The following TAF3 variants were observed in gnomAD, a reference collection of about 807,000 sequenced individuals.
TAF3 encodes the protein transcription initiation factor TFIID subunit 3.
Under a neutral mutation model 80.6 loss-of-function variants are expected in TAF3, and 7 were observed. The observed-to-expected ratio is 0.09, with a 90% CI of 0.05 to 0.16. The LOEUF (loss-of-function observed/expected upper bound fraction) is 0.16. TAF3 is among the 10% of genes least tolerant of loss of function. The pLI is 1.00. For missense variants in TAF3, 921 were observed against 1,140.2 expected (o/e 0.81, Z 2.77); for synonymous variants, 444 against 446.1 (o/e 1.00, Z 0.06).
At chr10:7,859,291 TAAATAA>T (rs1269677216) in intron 2 of TAF3, among the ~76,000 whole-genome samples, 1 of 148,452 alleles carries the variant, frequency 6.7e-6, no homozygotes, top group Non-Finnish European at 1.5e-5. Context: ...AATAAATAAA[TAAATAA>T]ATAAATAAAT....
At chr10:7,897,082 C>G (rs931690016) in intron 2 of TAF3, among the ~76,000 whole-genome samples, 3 of 152,168 alleles carry the variant, frequency 2.0e-5, no homozygotes, top group Non-Finnish European at 2.9e-5. Context: ...CTTTGAATCC[C>G]CAACTTCTTC....
chr10:7,993,922 GAA>G (rs984696010), intron 4 of TAF3, among the ~76,000 whole-genome samples: 2 of 129,502 alleles, frequency 1.5e-5, no homozygotes, highest in Admixed American at 8.4e-5. Flanking sequence ...AGTCTTCAGT[GAA>G]AAGAGTTGAT....
intron 2 of TAF3, among the ~76,000 whole-genome samples, chr10:7,850,953 G>T (rs1837021258): frequency 6.6e-6 from 1 of 152,032 alleles, no homozygotes; most frequent in Non-Finnish European, 1.5e-5. Context: ...GATTGTGTGT[G>T]CCAGTCACTA....
intron 4 of TAF3, among the ~76,000 whole-genome samples, chr10:7,983,428 C>A (rs1831745791): frequency 6.6e-6 from 1 of 152,162 alleles, no homozygotes; most frequent in South Asian, 2.1e-4. Flanking sequence ...GGGCAAAGAA[C>A]CTGGTTGGTG....
At chr10:7,894,899 T>G (rs1837491630) in intron 2 of TAF3, among the ~76,000 whole-genome samples, 1 of 152,012 alleles carries the variant, frequency 6.6e-6, no homozygotes, top group Non-Finnish European at 1.5e-5. Context: ...GGATTTTTGG[T>G]TTTTGAGACT....
Position 7,859,176 on chromosome 10 carries a change from G to T in TAF3, c.409+34616G>T, listed in dbSNP as rs1837117191. ...CTCGGGAGGCTGAGGCAGGAGAATG[G>T]CGTGAACCCAGGAGGCGGATCTTGC... is the stretch of plus-strand genomic sequence containing the variant. On this transcript the variant is annotated intron_variant, in intron 2 of 6. Coordinates refer to ENST00000344293, the MANE Select transcript of TAF3 (RefSeq NM_031923.4). 2.6e-5 allele frequency among the ~76,000 whole-genome samples: 4 copies of T among 152,114 alleles called. No homozygotes were observed. In the South Asian group the frequency reaches 6.2e-4, roughly 24 times the overall value.
At chr10:7,957,786 T>C (rs1486587525) in intron 2 of TAF3, among the ~76,000 whole-genome samples, 1 of 102,990 alleles carries the variant, frequency 9.7e-6, no homozygotes, top group East Asian at 3.4e-4. Context: ...TCACGCTCTC[T>C]CTAGCGCGCT....
chr10:7,997,557 GA>G (rs1404467233), intron 4 of TAF3, among the ~76,000 whole-genome samples: 2 of 152,224 alleles, frequency 1.3e-5, no homozygotes, highest in African/African-American at 4.8e-5. Flanking sequence ...TTGTGGTGGG[GA>G]AACAGGTAAA....
chr10:7,831,215 T>G (rs1359512424), intron 2 of TAF3, among the ~76,000 whole-genome samples: 1 of 152,212 alleles, frequency 6.6e-6, no homozygotes, highest in Non-Finnish European at 1.5e-5. Flanking sequence ...ACGCTTGATT[T>G]TTTTCATATG....
chr10:7,922,134 A>T (rs1837768510), intron 2 of TAF3, among the ~76,000 whole-genome samples: 1 of 152,082 alleles, frequency 6.6e-6, no homozygotes, highest in Non-Finnish European at 1.5e-5. Context: ...TTTTAAAAGA[A>T]ATATTTGCCT....
chr10:7,822,122 A>G (rs760025188), intron 1 of TAF3, among the ~76,000 whole-genome samples: 4 of 152,112 alleles, frequency 2.6e-5, no homozygotes, highest in Non-Finnish European at 5.9e-5. Context: ...TTAAAGTGGT[A>G]TTTTAAGAAA....
At position 7,846,079 on chromosome 10, in the gene TAF3, C is replaced by T. The variant is rs375511661; in HGVS notation, c.409+21519C>T. On this transcript the variant is annotated intron_variant, in intron 2 of 6. Transcript: ENST00000344293. Reference sequence around the variant, plus strand: ...GTTCACGCCAGTCTCCTGCCTCAGCCTCCCAAGTAGCTGGGACTACAGGCG... The same window carrying T: ...GTTCACGCCAGTCTCCTGCCTCAGCTTCCCAAGTAGCTGGGACTACAGGCG... Among the ~76,000 whole-genome samples, 3 of 151,940 alleles carry T rather than the reference C, an allele frequency of 2.0e-5. No individual in the cohort carries two copies. In the East Asian group the frequency reaches 5.8e-4, roughly 30 times the overall value.
chr10:7,913,092 G>T (rs987517009), intron 2 of TAF3, among the ~76,000 whole-genome samples: 1 of 152,048 alleles, frequency 6.6e-6, no homozygotes, highest in East Asian at 1.9e-4. Flanking sequence ...TTTCCTCTCC[G>T]CACACACGCC....
At chr10:7,840,794 G>A (rs189125202) in intron 2 of TAF3, among the ~76,000 whole-genome samples, 3 of 151,786 alleles carry the variant, frequency 2.0e-5, no homozygotes, top group East Asian at 1.9e-4. Flanking sequence ...CTTTTATTTA[G>A]CTAATGACTG....
intron 2 of TAF3, among the ~76,000 whole-genome samples, chr10:7,852,017 C>G (rs1331195122): frequency 6.6e-6 from 1 of 151,924 alleles, no homozygotes; most frequent in Non-Finnish European, 1.5e-5. Flanking sequence ...CTCTCGGGCT[C>G]AAACGATCCT....
chr10:7,984,185 C>T (rs1831755088), intron 4 of TAF3, among the ~76,000 whole-genome samples: 1 of 151,992 alleles, frequency 6.6e-6, no homozygotes, highest in African/African-American at 2.4e-5. Flanking sequence ...ATATTACTGT[C>T]TTATTTTTAC....
chr10:7,946,848 T>C (rs550490014), intron 2 of TAF3, among the ~76,000 whole-genome samples: 1 of 152,390 alleles, frequency 6.6e-6, no homozygotes, highest in Admixed American at 6.5e-5. Flanking sequence ...ACTTTTTTTG[T>C]ATATTTGATG....
chr10:7,946,053 C>G lies in TAF3; in HGVS notation c.410-17867C>G, dbSNP rs151327639. Among the ~76,000 whole-genome samples the G allele has an allele frequency of 4.3e-3, 649 of 152,342 alleles. 7 individuals carry two copies. Among genetic ancestry groups the G allele is most frequent in the African/African-American group, 0.015 (610 of 41,574 alleles). ...CTGACTGTCCTCCTGCCTTGGCCTC[C>G]TCTGTGGGGCTGAAGCCACCCTCTC... On this transcript the variant is annotated intron_variant, in intron 2 of 6. Coordinates refer to ENST00000344293, the MANE Select transcript of TAF3 (RefSeq NM_031923.4).
rs71515491 is a variant in TAF3, at chr10:7,827,779, C to CA, written c.409+3236dup. Among the ~76,000 whole-genome samples the CA allele has an allele frequency of 7.0e-3, 664 of 94,812 alleles. 19 individuals carry two copies. In the East Asian group the frequency reaches 0.13, roughly 18 times the overall value. 62.2% of individuals were successfully genotyped at this position (94,812 alleles called of 152,430 possible). A position where few individuals can be genotyped will look rare whatever the true frequency, so the allele number is the denominator to read the frequency against. On this transcript the variant is annotated intron_variant, in intron 2 of 6. Coordinates refer to ENST00000344293, the MANE Select transcript of TAF3 (RefSeq NM_031923.4). Reference sequence around the variant, plus strand: ...TGGGTGACGGAGCGAGACTCTGTCTCAAAAAAAAAAAAAAAAACAAAAACA... The same window carrying CA: ...TGGGTGACGGAGCGAGACTCTGTCTCAAAAAAAAAAAAAAAAAACAAAAACA...
Sources: allele counts gnomAD v4.1 joint callset (sites outside exome capture counted in the v4.1 genomes callset), GRCh38; gene constraint gnomAD v4.1.1; transcripts MANE v1.5; gene names NCBI Gene and HGNC (gene_info 2026-07-23, HGNC 2026-07-21).